SGCZ: variants seen among roughly 807,000 people sequenced by gnomAD.
SGCZ encodes zeta-sarcoglycan.
SGCZ carries 40 observed loss-of-function variants against 41.3 expected under a neutral mutation model. The observed-to-expected ratio is 0.97, with a 90% CI of 0.75 to 1.26. The LOEUF (loss-of-function observed/expected upper bound fraction) is 1.26. Ranked by LOEUF, SGCZ falls within the 50% of genes most tolerant of loss-of-function variation. SGCZ has a pLI of 0.00. For synonymous variants in SGCZ, 206 were observed against 137.5 expected, an observed-to-expected ratio of 1.50 and a Z score of -3.49; for missense variants, 552 against 369.8, an observed-to-expected ratio of 1.49 and a Z score of -4.04.
chr8:15,137,248 C>T (rs989043640), intron 1 of SGCZ, among the ~76,000 whole-genome samples: 1 of 152,078 alleles, frequency 6.6e-6, no homozygotes, highest in South Asian at 2.1e-4. Context: ...GATGATTTAG[C>T]GTATCTGGTG....
chr8:15,209,781 T>TA (rs1585677018), intron 1 of SGCZ, among the ~76,000 whole-genome samples: 1 of 150,414 alleles, frequency 6.6e-6, no homozygotes, highest in South Asian at 2.1e-4. Context: ...ATTAATTAAT[T>TA]AAAAAAACTT....
At chr8:14,252,509 A>G (rs1351323850) in intron 3 of SGCZ, among the ~76,000 whole-genome samples, 1 of 152,182 alleles carries the variant, frequency 6.6e-6, no homozygotes, top group African/African-American at 2.4e-5. Context: ...CACTCGAGGT[A>G]GCCCATTTTC....
At chr8:14,276,193 T>C (rs1800224942) in intron 3 of SGCZ, among the ~76,000 whole-genome samples, 1 of 152,226 alleles carries the variant, frequency 6.6e-6, no homozygotes. Flanking sequence ...AATTATTTTG[T>C]CATGCTTCTT....
At chr8:14,153,814 G>A (rs999584548) in intron 5 of SGCZ, among the ~76,000 whole-genome samples, 7 of 151,944 alleles carry the variant, frequency 4.6e-5, no homozygotes, top group Non-Finnish European at 2.9e-5. Flanking sequence ...GAGACAATTA[G>A]GTTTAGATGA....
At chr8:14,506,069 G>A (rs1272215040) in intron 2 of SGCZ, among the ~76,000 whole-genome samples, 1 of 151,916 alleles carries the variant, frequency 6.6e-6, no homozygotes, top group Non-Finnish European at 1.5e-5. Flanking sequence ...CAGGTGCAGT[G>A]GCTCATGCCT....
chr8:14,939,415 A>T (rs61504408), intron 1 of SGCZ, among the ~76,000 whole-genome samples: 1 of 151,948 alleles, frequency 6.6e-6, no homozygotes, highest in African/African-American at 2.4e-5. Context: ...TCCTAAATTA[A>T]TGCTTCCTAT....
intron 4 of SGCZ, among the ~76,000 whole-genome samples, chr8:14,223,419 G>C (rs909394024): frequency 2.6e-5 from 4 of 152,062 alleles, no homozygotes; most frequent in Admixed American, 2.6e-4. Context: ...ATACTATAGA[G>C]TTCAGATTAT....
In SGCZ at chr8:14,804,281, G is replaced by C. The variant is rs1240618533; in HGVS notation, c.40-249355C>G. Among the ~76,000 whole-genome samples, 5 of 93,772 alleles carry C rather than the reference G, an allele frequency of 5.3e-5. No homozygotes were observed. The South Asian group carries it at 2.3e-3, about 43-fold the overall frequency. The allele number at this position is 93,772 out of a possible 152,430, so 61.5% of individuals were successfully genotyped here. ...AGGCTTCAGATGATCAAATTACTCTGAGCTACGGGAGGACATTCAAACCAA... is the reference window on the plus strand; with the variant it reads ...AGGCTTCAGATGATCAAATTACTCTCAGCTACGGGAGGACATTCAAACCAA... On this transcript the variant is annotated intron_variant, in intron 1 of 7. Transcript: ENST00000382080.
intron 2 of SGCZ, among the ~76,000 whole-genome samples, chr8:14,545,281 T>C (rs1803590710): frequency 6.6e-6 from 1 of 152,148 alleles, no homozygotes; most frequent in Admixed American, 6.6e-5. Flanking sequence ...ACAGTGATGC[T>C]ATTATTATTC....
At chr8:14,656,043 C>T (rs1031532126) in intron 1 of SGCZ, among the ~76,000 whole-genome samples, 1 of 152,068 alleles carries the variant, frequency 6.6e-6, no homozygotes, top group African/African-American at 2.4e-5. Context: ...TGAGCTCTTA[C>T]AGATAAAGCT....
chr8:14,787,386 T>C (rs1194129397), intron 1 of SGCZ, among the ~76,000 whole-genome samples: 1 of 151,976 alleles, frequency 6.6e-6, no homozygotes, highest in Non-Finnish European at 1.5e-5. Flanking sequence ...CTTAATATAC[T>C]TGGTAAAATA....
At chr8:14,562,952 C>G (rs548906917) in intron 1 of SGCZ, among the ~76,000 whole-genome samples, 34 of 152,140 alleles carry the variant, frequency 2.2e-4, no homozygotes, top group African/African-American at 8.0e-4. Context: ...GTCAACTGGG[C>G]TACCCAAAGG....
At chr8:14,096,738 CT>C (rs1463728096) in intron 7 of SGCZ, among the ~76,000 whole-genome samples, 2 of 152,010 alleles carry the variant, frequency 1.3e-5, no homozygotes, top group African/African-American at 2.4e-5. Flanking sequence ...TGGTCCAGAA[CT>C]TTTTTTGGTT....
intron 1 of SGCZ, among the ~76,000 whole-genome samples, chr8:15,222,057 C>T (rs971912844): frequency 6.6e-5 from 10 of 151,974 alleles, no homozygotes; most frequent in African/African-American, 9.7e-5. Context: ...TTCGTAATTA[C>T]GTAACATTTT....
rs1056236121 is a variant in SGCZ, at chr8:14,539,465, C to A, written c.234+15267G>T. On this transcript the variant is annotated intron_variant, in intron 2 of 7. Coordinates refer to ENST00000382080, the MANE Select transcript of SGCZ (RefSeq NM_139167.4). Reference sequence around the variant, plus strand: ...AGTTTTATTCTGGGCAACTTCCAAACAAGAGGATATTGGGGAAGATTGGTG... The same window carrying A: ...AGTTTTATTCTGGGCAACTTCCAAAAAAGAGGATATTGGGGAAGATTGGTG... Among the ~76,000 whole-genome samples, 3 of 151,702 alleles carry A rather than the reference C, an allele frequency of 2.0e-5. No individual in the cohort carries two copies. In the South Asian group the frequency reaches 6.2e-4, roughly 31 times the overall value.
intron 2 of SGCZ, among the ~76,000 whole-genome samples, chr8:14,447,624 T>C (rs1348254135): frequency 6.6e-6 from 1 of 152,138 alleles, no homozygotes; most frequent in Non-Finnish European, 1.5e-5. Flanking sequence ...CCTAAACACA[T>C]ACATTCATTA....
chr8:15,110,718 C>T (rs1486611983), intron 1 of SGCZ, among the ~76,000 whole-genome samples: 1 of 152,150 alleles, frequency 6.6e-6, no homozygotes, highest in African/African-American at 2.4e-5. Flanking sequence ...CCTGTAATCC[C>T]AGCACTTTGG....
intron 2 of SGCZ, among the ~76,000 whole-genome samples, chr8:14,535,595 G>A (rs1803270687): frequency 6.6e-6 from 1 of 151,782 alleles, no homozygotes; most frequent in African/African-American, 2.4e-5. Context: ...CTTTTGCAGT[G>A]TTAAGCCTTC....
At chr8:14,527,974 C>T (rs1191908083) in intron 2 of SGCZ, among the ~76,000 whole-genome samples, 1 of 152,032 alleles carries the variant, frequency 6.6e-6, no homozygotes, top group African/African-American at 2.4e-5. Context: ...GTTTATCTAT[C>T]ATATGAGTGA....
Sources: allele counts gnomAD v4.1 joint callset (sites outside exome capture counted in the v4.1 genomes callset), GRCh38; gene constraint gnomAD v4.1.1; transcripts MANE v1.5; gene names NCBI Gene and HGNC (gene_info 2026-07-23, HGNC 2026-07-21).